Variants in DCC observed in about 807,000 individuals in gnomAD.
DCC encodes the protein DCC netrin 1 receptor, also known as netrin receptor DCC.
DCC carries 58 observed loss-of-function variants against 172.5 expected under a neutral mutation model. The ratio of observed to expected loss-of-function variants is 0.34; its 90% CI spans 0.27 to 0.42. The LOEUF (loss-of-function observed/expected upper bound fraction) is 0.42, where lower values mean the gene tolerates loss of function less well. Among genes scored for constraint, DCC ranks in the 10% least tolerant of loss-of-function variants. The pLI is 1.00. For missense variants in DCC, 1,740 were observed against 1,791.0 expected, an observed-to-expected ratio of 0.97 and a Z score of 0.51; for synonymous variants, 709 against 644.5, an observed-to-expected ratio of 1.10 and a Z score of -1.52.
chr18:53,411,425 TTC>T (rs1343268128), intron 20 of DCC, among the ~76,000 whole-genome samples: 1 of 152,182 alleles, frequency 6.6e-6, no homozygotes, highest in Non-Finnish European at 1.5e-5. Context: ...ATATGTGTTG[TTC>T]TAAAGAAGGA....
At chr18:52,916,951 T>C (rs1357265958) in intron 3 of DCC, among the ~76,000 whole-genome samples, 1 of 151,666 alleles carries the variant, frequency 6.6e-6, no homozygotes, top group Non-Finnish European at 1.5e-5. Flanking sequence ...CCGACATAGG[T>C]GTTTTTTTAA....
At chr18:52,841,579 G>A (rs2038808177) in intron 2 of DCC, among the ~76,000 whole-genome samples, 1 of 152,168 alleles carries the variant, frequency 6.6e-6, no homozygotes, top group Non-Finnish European at 1.5e-5. Context: ...AGTACATGTA[G>A]TGAGAAGTAG....
At chr18:53,325,998 C>T (rs1203730308) in intron 14 of DCC, among the ~76,000 whole-genome samples, 2 of 152,130 alleles carry the variant, frequency 1.3e-5, no homozygotes, top group Non-Finnish European at 2.9e-5. Flanking sequence ...GGAAATATTG[C>T]CTTGAGAAAA....
intron 8 of DCC, among the ~76,000 whole-genome samples, chr18:53,178,537 C>A (rs1419618803): frequency 6.6e-6 from 1 of 152,118 alleles, no homozygotes; most frequent in South Asian, 2.1e-4. Context: ...CATTTGTTGG[C>A]AATACTGACA....
chr18:53,127,088 C>G (rs2043568864), intron 7 of DCC, among the ~76,000 whole-genome samples: 1 of 149,792 alleles, frequency 6.7e-6, no homozygotes, highest in African/African-American at 2.5e-5. Context: ...GAAGGATTTA[C>G]TCAAATAAGT....
intron 24 of DCC, 106 bp downstream of exon 24, chr18:53,459,564 A>C: frequency 2.6e-6 from 2 of 768,622 alleles, no homozygotes; most frequent in Middle Eastern, 2.2e-4. Context: ...GCATGTCATT[A>C]TGGGTCATTT....
At chr18:52,649,297 C>T (rs894401339) in intron 1 of DCC, among the ~76,000 whole-genome samples, 5 of 147,500 alleles carry the variant, frequency 3.4e-5, no homozygotes, top group South Asian at 2.2e-4. Context: ...GGCGTGAACC[C>T]GGGAGGCGGA....
chr18:52,438,053 A>C (rs543401188), intron 1 of DCC, among the ~76,000 whole-genome samples: 1 of 152,192 alleles, frequency 6.6e-6, no homozygotes, highest in Non-Finnish European at 1.5e-5. Context: ...AGCAATACAG[A>C]TAGATTCACT....
chr18:53,393,896 A>T (rs199726424), intron 17 of DCC, among the ~76,000 whole-genome samples: 34,846 of 94,482 alleles, frequency 0.37, 4,651 homozygotes, highest in South Asian at 0.5. Context: ...CTAATGTACT[A>T]TTCCCTCTCT....
chr18:52,427,857 T>C (rs1987491945), intron 1 of DCC, among the ~76,000 whole-genome samples: 1 of 146,904 alleles, frequency 6.8e-6, no homozygotes, highest in Admixed American at 6.8e-5. Flanking sequence ...CCTTCCTTCC[T>C]TCCTTCCTTC....
intron 1 of DCC, among the ~76,000 whole-genome samples, chr18:52,361,412 A>C (rs1984612131): frequency 6.6e-6 from 1 of 152,266 alleles, no homozygotes; most frequent in Admixed American, 6.5e-5. Context: ...AGTAAAAAGA[A>C]ATATCGTGGA....
chr18:53,334,795 CATTATGTGT>C (rs2057573073), intron 14 of DCC, among the ~76,000 whole-genome samples: 1 of 152,164 alleles, frequency 6.6e-6, no homozygotes, highest in Non-Finnish European at 1.5e-5. Flanking sequence ...AATACTATTC[CATTATGTGT>C]ATATACCACA....
chr18:53,234,194 G>A lies in DCC; in HGVS notation c.1911+18597G>A, dbSNP rs573072711. Among the ~76,000 whole-genome samples the A allele has an allele frequency of 1.3e-4, 20 of 152,244 alleles. No homozygotes were observed. The East Asian group carries it at 2.5e-3, about 19-fold the overall frequency. On this transcript the variant is annotated intron_variant, in intron 12 of 28. Coordinates refer to ENST00000442544, the MANE Select transcript of DCC (RefSeq NM_005215.4). ...GAACCTGGGAGGCGGAGGTTGCAGT[G>A]AACTGAAATCGCACCATCGCACTCC...
intron 27 of DCC, among the ~76,000 whole-genome samples, chr18:53,501,514 G>C (rs2046097771): frequency 1.3e-5 from 2 of 150,994 alleles, no homozygotes; most frequent in Middle Eastern, 3.5e-3. Context: ...CTGAATTGAA[G>C]AATATATTTT....
intron 2 of DCC, among the ~76,000 whole-genome samples, chr18:52,878,539 C>T (rs573663726): frequency 3.5e-4 from 54 of 152,222 alleles, no homozygotes; most frequent in Non-Finnish European, 2.1e-4. Context: ...TGTTTTAACC[C>T]CGTAGCCTTT....
chr18:53,514,718 C>A (rs1034534857), intron 27 of DCC, among the ~76,000 whole-genome samples: 1 of 146,308 alleles, frequency 6.8e-6, no homozygotes, highest in Non-Finnish European at 1.5e-5. Flanking sequence ...ATAAATTCCT[C>A]AACACATACA....
At chr18:52,344,256 A>C (rs1298020946) in intron 1 of DCC, among the ~76,000 whole-genome samples, 1 of 152,222 alleles carries the variant, frequency 6.6e-6, no homozygotes, top group Non-Finnish European at 1.5e-5. Context: ...CTCTGCTGAA[A>C]GTTTCTGCTA....
At chr18:52,377,105 A>G (rs1047785494) in intron 1 of DCC, among the ~76,000 whole-genome samples, 1 of 152,208 alleles carries the variant, frequency 6.6e-6, no homozygotes, top group Non-Finnish European at 1.5e-5. Flanking sequence ...TGAGTGAGCA[A>G]TTTCACTTAG....
intron 1 of DCC, among the ~76,000 whole-genome samples, chr18:52,559,720 G>A (rs1473587294): frequency 2.7e-5 from 4 of 150,814 alleles, no homozygotes; most frequent in Admixed American, 1.3e-4. Flanking sequence ...AAAAAAAAAA[G>A]GGCCCCAAAT....
Sources: gnomAD v4.1 joint callset for allele counts (sites outside exome capture counted in the v4.1 genomes callset) on GRCh38, gnomAD v4.1.1 for gene constraint, MANE v1.5 for transcripts, NCBI Gene and HGNC (gene_info 2026-07-23, HGNC 2026-07-21) for gene names.